The following TRRAP variants were observed in gnomAD, a reference collection of about 807,000 sequenced individuals.
The protein encoded by TRRAP is transformation/transcription domain associated protein, also known as transformation/transcription domain-associated protein.
Under a neutral mutation model 438.8 loss-of-function variants are expected in TRRAP, and 41 were observed. That is an observed-to-expected ratio of 0.09 (90% CI 0.07 to 0.12). The LOEUF (loss-of-function observed/expected upper bound fraction) is 0.12. Among genes scored for constraint, TRRAP ranks in the 10% least tolerant of loss-of-function variants. TRRAP has a pLI of 1.00. For synonymous variants in TRRAP, 1,994 were observed against 1,962.9 expected, an observed-to-expected ratio of 1.02 and a Z score of -0.42; for missense variants, 3,122 against 5,055.1, an observed-to-expected ratio of 0.62 and a Z score of 11.60.
At chr7:98,895,907 T>C in intron 7 of TRRAP, 87 bp downstream of exon 7, 1 of 1,071,996 alleles carries the variant, frequency 9.3e-7, no homozygotes, top group South Asian at 1.7e-5. Context: ...GTTGCAGAAA[T>C]AGTGTGTGGG....
At chr7:98,985,954 C>T (rs183860390) in intron 62 of TRRAP, among the ~76,000 whole-genome samples, 2 of 152,188 alleles carry the variant, frequency 1.3e-5, no homozygotes, top group Non-Finnish European at 2.9e-5. Flanking sequence ...CCTTTCTCCC[C>T]TCCCCCTTTC....
intron 53 of TRRAP, among the ~76,000 whole-genome samples, chr7:98,972,146 A>T (rs572232130): frequency 6.6e-6 from 1 of 152,260 alleles, no homozygotes; most frequent in African/African-American, 2.4e-5. Context: ...GGGCCAAGCG[A>T]TCCTCCCACC....
At chr7:98,993,034 C>T (rs1278067824) in intron 65 of TRRAP, among the ~76,000 whole-genome samples, 3 of 152,064 alleles carry the variant, frequency 2.0e-5, no homozygotes, top group Non-Finnish European at 2.9e-5. Context: ...GAAAAATGAC[C>T]GTATTTTTCA....
chr7:98,920,846 T>A (rs941892332), intron 20 of TRRAP, among the ~76,000 whole-genome samples: 6 of 148,130 alleles, frequency 4.1e-5, no homozygotes, highest in African/African-American at 1.2e-4. Context: ...TCCCCACCCA[T>A]TTTTTTTTTT....
intron 4 of TRRAP, among the ~76,000 whole-genome samples, chr7:98,891,595 G>A (rs1317091469): frequency 6.7e-6 from 1 of 148,956 alleles, no homozygotes; most frequent in Admixed American, 6.7e-5. Flanking sequence ...AAGTGCAGTG[G>A]CGCAGTCTCG....
intron 63 of TRRAP, 35 bp downstream of exon 63, chr7:98,989,001 A>C: frequency 6.3e-7 from 1 of 1,592,898 alleles, no homozygotes; most frequent in Non-Finnish European, 8.6e-7. Flanking sequence ...ACCAGAGGCC[A>C]TCTGTCACCT....
At chr7:98,949,278 G>A (rs1791222018) in intron 35 of TRRAP, 139 bp from the exon 36 acceptor site, 1 of 1,022,236 alleles carries the variant, frequency 9.8e-7, no homozygotes. Flanking sequence ...AAGCATGCGT[G>A]TGGTGCTTTT....
At chr7:98,883,957 A>G (rs868914075) in intron 3 of TRRAP, among the ~76,000 whole-genome samples, 6 of 152,286 alleles carry the variant, frequency 3.9e-5, no homozygotes, top group Middle Eastern at 3.4e-3. Context: ...GAATTTGCGT[A>G]GGCTTGGTTT....
intron 67 of TRRAP, among the ~76,000 whole-genome samples, chr7:98,998,196 C>G (rs1454956665): frequency 2.0e-5 from 3 of 152,160 alleles, no homozygotes; most frequent in Non-Finnish European, 4.4e-5. Flanking sequence ...CAGAAGGGCT[C>G]TAAGTTTAAC....
At chr7:98,962,230 T>C (rs1791929242) in intron 46 of TRRAP, 72 bp from the exon 47 acceptor site, 3 of 1,604,574 alleles carry the variant, frequency 1.9e-6, no homozygotes. Flanking sequence ...CAGCCAGCAC[T>C]CAGTCCCTGG....
At position 98,911,283 on chromosome 7, in the gene TRRAP, CT is replaced by C; in HGVS notation, c.2007+19del. On this transcript the variant is annotated intron_variant, in intron 17 of 72. Coordinates refer to ENST00000456197, the MANE Select transcript of TRRAP (RefSeq NM_001375524.1). ...ATTATGCTCTTCAGGTATAAAACTCCTTTTTTTATGTTGTTTGAACATTACA... is the reference window on the plus strand; with the variant it reads ...ATTATGCTCTTCAGGTATAAAACTCCTTTTTTATGTTGTTTGAACATTACA... 3.8e-6 allele frequency: 6 copies of C among 1,589,950 alleles called. No homozygotes were observed. Among genetic ancestry groups the C allele is most frequent in the East Asian group, 2.2e-5 (1 of 44,450 alleles).
At chr7:98,996,152 C>G (rs957402502) in intron 67 of TRRAP, among the ~76,000 whole-genome samples, 6 of 152,194 alleles carry the variant, frequency 3.9e-5, no homozygotes, top group Non-Finnish European at 7.3e-5. Context: ...CACCTACATC[C>G]CATTTACACA....
At chr7:98,975,094 C>G (rs1006552987) in intron 53 of TRRAP, among the ~76,000 whole-genome samples, 3 of 152,208 alleles carry the variant, frequency 2.0e-5, no homozygotes, top group Non-Finnish European at 4.4e-5. Flanking sequence ...ATGGGCTGGT[C>G]AGGGTGAAGT....
At chr7:98,997,649 ATTAGGCTTTCT>A (rs1472165488) in intron 67 of TRRAP, among the ~76,000 whole-genome samples, 1 of 151,646 alleles carries the variant, frequency 6.6e-6, no homozygotes, top group African/African-American at 2.4e-5. Flanking sequence ...TTGGAAATAT[ATTAGGCTTTCT>A]CCTAGTCCAG....
At chr7:98,943,138 T>A (rs1362510892) in intron 31 of TRRAP, 121 bp downstream of exon 31, 2 of 945,674 alleles carry the variant, frequency 2.1e-6, no homozygotes, top group African/African-American at 1.6e-5. Flanking sequence ...ATTGTAGTCC[T>A]TGTAAATTGT....
At chr7:98,942,876 G>C (rs1790863296) in intron 30 of TRRAP, 73 bp from the exon 31 acceptor site, 1 of 1,520,658 alleles carries the variant, frequency 6.6e-7, no homozygotes, top group East Asian at 2.3e-5. Flanking sequence ...GGAAATGAAT[G>C]ATTACATAGT....
At chr7:98,915,636 G>A (rs1193059125) in intron 18 of TRRAP, 87 bp from the exon 19 acceptor site, 1 of 1,481,982 alleles carries the variant, frequency 6.7e-7, no homozygotes, top group Non-Finnish European at 9.0e-7. Context: ...TTCCATTGCT[G>A]TCGGATTACA....
chr7:98,891,621 C>T (rs1254830830), intron 4 of TRRAP, among the ~76,000 whole-genome samples: 26 of 149,766 alleles, frequency 1.7e-4, no homozygotes, highest in African/African-American at 6.4e-4. Flanking sequence ...CTGCGAGCTC[C>T]GCCTCCCGGG....
intron 62 of TRRAP, 32 bp from the exon 63 acceptor site, chr7:98,988,733 C>A: frequency 1.2e-6 from 2 of 1,609,998 alleles, no homozygotes; most frequent in South Asian, 1.1e-5. Context: ...AATTGAAAAC[C>A]ATACACGTTT....
Sources: gnomAD v4.1 joint callset for allele counts (sites outside exome capture counted in the v4.1 genomes callset) on GRCh38, gnomAD v4.1.1 for gene constraint, MANE v1.5 for transcripts, NCBI Gene and HGNC (gene_info 2026-07-23, HGNC 2026-07-21) for gene names.